ELF1: variants seen among roughly 807,000 people sequenced by gnomAD.
ELF1 encodes E74 like ETS transcription factor 1.
ELF1 carries 24 observed loss-of-function variants against 59.9 expected under a neutral mutation model. That is an observed-to-expected ratio of 0.40 (90% CI 0.29 to 0.56). The LOEUF (loss-of-function observed/expected upper bound fraction) is 0.56. Among genes scored for constraint, ELF1 ranks in the 20% least tolerant of loss-of-function variants. ELF1 has a pLI of 0.44. For synonymous variants in ELF1, 248 were observed against 266.2 expected, an observed-to-expected ratio of 0.93 and a Z score of 0.67; for missense variants, 627 against 742.2, an observed-to-expected ratio of 0.84 and a Z score of 1.80.
chr13:41,048,609 C>T (rs1876958842), intron 1 of ELF1, among the ~76,000 whole-genome samples: 1 of 151,990 alleles, frequency 6.6e-6, no homozygotes, highest in Non-Finnish European at 1.5e-5. Context: ...TGACAGGATA[C>T]CAGTATGTTA....
In ELF1 at chr13:40,932,808, A is replaced by T. The variant is rs1869493088; in HGVS notation, c.*617T>A. The T allele has an allele frequency of 6.6e-6, 1 of 152,428 alleles. No homozygotes were observed. The highest frequency in any genetic ancestry group is 1.5e-5 in the Non-Finnish European group (1 of 68,118). The allele number at this position is 152,428 out of a possible 1,614,324, so 9.4% of individuals were successfully genotyped here. On this transcript the variant is annotated 3_prime_UTR_variant, in exon 9 of 9. Transcript: ENST00000239882. Reference sequence around the variant, plus strand: ...AAGCCCAAAGAGGTCAAGATTACATAGCTAGTTAGTGGGAGTGCCATTCTT... The same window carrying T: ...AAGCCCAAAGAGGTCAAGATTACATTGCTAGTTAGTGGGAGTGCCATTCTT...
intron 1 of ELF1, among the ~76,000 whole-genome samples, chr13:41,010,055 A>C (rs1385012228): frequency 6.6e-6 from 1 of 150,644 alleles, no homozygotes; most frequent in Non-Finnish European, 1.5e-5. Context: ...CATATTGAAA[A>C]AAAAAAAAAC....
chr13:40,933,775 C>G lies in ELF1; in HGVS notation c.1510G>C (p.Val504Leu). 1 of 1,614,266 alleles carries G rather than the reference C, an allele frequency of 6.2e-7. No individual in the cohort carries two copies. Among genetic ancestry groups the G allele is most frequent in the South Asian group, 1.1e-5 (1 of 91,090 alleles). The part of the protein sequence containing the change: ...PPSIVLGPAQ[V>L]QQVLTSNVQT... The stretch of plus-strand genomic sequence containing the variant: ...ACATTGCTAGTAAGGACCTGCTGAA[C>G]CTGGGCAGGGCCCAAGACAATTGAA... The change falls in exon 9 of 9, where the codon GTT (valine) becomes CTT (leucine). Residue 504 changes from valine (V) to leucine (L), a missense_variant. This residue lies in a region of ELF1 where 361 missense variants were observed against 396.1 expected (regional missense o/e 0.91). Transcript: ENST00000239882.
At chr13:40,984,825 G>A (rs940519384) in intron 1 of ELF1, among the ~76,000 whole-genome samples, 3 of 152,152 alleles carry the variant, frequency 2.0e-5, no homozygotes, top group South Asian at 2.1e-4. Context: ...GTGTGAATAC[G>A]TCTAGGTAAA....
rs147401106 is a variant in ELF1, at chr13:40,949,843, C to T, written c.492G>A (p.Pro164=). The T allele has an allele frequency of 7.2e-5, 117 of 1,614,070 alleles. 1 individual carries two copies. In the African/African-American group the frequency reaches 1.1e-3, roughly 15 times the overall value. ...TAGGCTGTTCTGGTGATGAGGCTCCCGGTGAGTCTGCATATTTTTCTTGCA... is the reference window on the plus strand; with the variant it reads ...TAGGCTGTTCTGGTGATGAGGCTCCTGGTGAGTCTGCATATTTTTCTTGCA... ...QQVQEKYADS[P]GASSPEQPKR... The change falls in exon 5 of 9, where the codon CCG becomes CCA. Residue 164 remains proline, a synonymous_variant. Transcript: ENST00000239882.
intron 1 of ELF1, among the ~76,000 whole-genome samples, chr13:41,018,324 A>G (rs909616314): frequency 6.6e-6 from 1 of 152,220 alleles, no homozygotes; most frequent in East Asian, 1.9e-4. Flanking sequence ...GTACTTCAGG[A>G]AAAGACTGAG....
chr13:40,984,966 C>A (rs529693810), intron 1 of ELF1, among the ~76,000 whole-genome samples: 19 of 152,330 alleles, frequency 1.2e-4, no homozygotes, highest in African/African-American at 4.6e-4. Flanking sequence ...CATACCCACA[C>A]CTTATACATA....
intron 1 of ELF1, among the ~76,000 whole-genome samples, chr13:40,994,353 G>A (rs1470571145): frequency 2.0e-5 from 3 of 152,130 alleles, no homozygotes; most frequent in Non-Finnish European, 4.4e-5. Flanking sequence ...AATCAAAAGA[G>A]AAATATCAGC....
intron 1 of ELF1, among the ~76,000 whole-genome samples, chr13:41,037,803 A>G (rs1876446682): frequency 1.3e-5 from 2 of 152,048 alleles, no homozygotes; most frequent in South Asian, 4.1e-4. Context: ...CTCAAAAAAA[A>G]AAAGAAAAAA....
chr13:41,049,390 A>T (rs1222036253), intron 1 of ELF1, among the ~76,000 whole-genome samples: 1 of 152,236 alleles, frequency 6.6e-6, no homozygotes, highest in Non-Finnish European at 1.5e-5. Flanking sequence ...GACCAAGTGT[A>T]CAAAAAAGTA....
chr13:41,050,892 G>GC (rs1877061049), intron 1 of ELF1, among the ~76,000 whole-genome samples: 1 of 152,070 alleles, frequency 6.6e-6, no homozygotes, highest in Non-Finnish European at 1.5e-5. Flanking sequence ...TTCCATTGTG[G>GC]CCAGAACATT....
chr13:41,038,278 G>A (rs573099425), intron 1 of ELF1, among the ~76,000 whole-genome samples: 1 of 152,168 alleles, frequency 6.6e-6, no homozygotes, highest in East Asian at 1.9e-4. Context: ...ATGGTATCAG[G>A]CCACCAAGGT....
intron 1 of ELF1, among the ~76,000 whole-genome samples, chr13:41,052,231 C>T (rs941340431): frequency 2.0e-5 from 3 of 152,026 alleles, no homozygotes; most frequent in Non-Finnish European, 4.4e-5. Context: ...TGAGACACTG[C>T]GCCTGGCCAG....
intron 1 of ELF1, among the ~76,000 whole-genome samples, chr13:41,042,673 G>A (rs966468841): frequency 1.3e-5 from 2 of 152,158 alleles, no homozygotes; most frequent in Non-Finnish European, 2.9e-5. Context: ...ATTCCATGGT[G>A]TATATGTGCC....
intron 1 of ELF1, among the ~76,000 whole-genome samples, chr13:41,033,568 C>T (rs1034983969): frequency 2.6e-5 from 4 of 152,290 alleles, no homozygotes; most frequent in Non-Finnish European, 2.9e-5. Flanking sequence ...CCAAGGCAGG[C>T]GAGCATCACC....
At chr13:41,036,795 T>A (rs544268488) in intron 1 of ELF1, among the ~76,000 whole-genome samples, 11 of 152,180 alleles carry the variant, frequency 7.2e-5, no homozygotes, top group Non-Finnish European at 1.2e-4. Context: ...TGAGTTCATG[T>A]CCTTTGTACA....
At chr13:41,001,254 C>A (rs911043995) in intron 1 of ELF1, among the ~76,000 whole-genome samples, 1 of 152,012 alleles carries the variant, frequency 6.6e-6, no homozygotes, top group Non-Finnish European at 1.5e-5. Context: ...GGATTACAGG[C>A]GTGAGCCACT....
At chr13:40,950,006 A>C (rs954254343) in intron 4 of ELF1, 33 bp from the exon 5 acceptor site, 1 of 1,543,684 alleles carries the variant, frequency 6.5e-7, no homozygotes, top group Non-Finnish European at 8.8e-7. Flanking sequence ...ATTATAGTCC[A>C]CTGTGTATTA....
At chr13:41,030,262 T>C (rs1876108808) in intron 1 of ELF1, among the ~76,000 whole-genome samples, 1 of 152,106 alleles carries the variant, frequency 6.6e-6, no homozygotes, top group South Asian at 2.1e-4. Context: ...TGAGCAACTG[T>C]GCCAAATGCT....
Sources: allele counts gnomAD v4.1 joint callset (sites outside exome capture counted in the v4.1 genomes callset), GRCh38; gene constraint gnomAD v4.1.1; regional missense constraint gnomAD v4.1.1; transcripts MANE v1.5; gene names NCBI Gene and HGNC (gene_info 2026-07-23, HGNC 2026-07-21).